The following GDF10 variants were observed in gnomAD, a reference collection of about 807,000 sequenced individuals.
GDF10 encodes the protein growth differentiation factor 10.
In GDF10, 23 loss-of-function variants were observed where a neutral mutation model predicts 32.1. That is an observed-to-expected ratio of 0.72 (90% CI 0.52 to 1.02). GDF10 has a LOEUF of 1.02. GDF10 is among the 50% of genes least tolerant of loss of function. GDF10 has a pLI of 0.00. For missense variants in GDF10, 764 were observed against 673.9 expected (o/e 1.13, Z -1.48); for synonymous variants, 328 against 303.1 (o/e 1.08, Z -0.85).
Position 47,310,105 on chromosome 10 carries a change from TC to T in GDF10, c.630del (p.Lys211ArgfsTer35). The T allele has an allele frequency of 4.3e-6, 7 of 1,609,340 alleles. No individual in the cohort carries two copies. The highest frequency in any genetic ancestry group is 5.9e-6 in the Non-Finnish European group (7 of 1,179,026). ...CAGGCCAAGGACATCTCCCCCATCG[TC>T]AAGGCGGCCCGCCGGGATGGCGAGC... is the stretch of plus-strand genomic sequence containing the variant. Reference protein sequence around the residue: ...LWQAKDISPIVKAARRDGELL... With the variant: ...LWQAKDISPIXKAARRDGELL... On this transcript the variant is annotated frameshift_variant, in exon 2 of 3. Coordinates refer to ENST00000580279, the MANE Select transcript of GDF10 (RefSeq NM_004962.5). LOFTEE classifies it high-confidence loss of function.
At chr10:47,309,515 G>A (rs73299093) in intron 1 of GDF10, among the ~76,000 whole-genome samples, 4,472 of 152,278 alleles carry the variant, frequency 0.029, 214 homozygotes, top group African/African-American at 0.1. Context: ...ATGCCTCCCT[G>A]TCTGCCCCTA....
rs1299797813 is a variant in GDF10 at position 47,310,419 on chromosome 10, G to T, written c.943G>T (p.Ala315Ser). Residue 315 changes from alanine to serine, a missense_variant, in exon 2 of 3, where the codon GCA (alanine) becomes TCA (serine). Physicochemically the swap from Ala to Ser is moderately conservative, Grantham distance 99. Transcript: ENST00000580279. ...GGATGAGAGGCCGCCGCGCGCCCAC[G>T]CACAGCACTTCCACAAGCACCAGCT... is the stretch of plus-strand genomic sequence containing the variant. Reference protein sequence around the residue: ...GLDERPPRAHAQHFHKHQLWP... With the variant: ...GLDERPPRAHSQHFHKHQLWP... The T allele has an allele frequency of 6.2e-7, 1 of 1,611,996 alleles. No individual in the cohort carries two copies. The highest frequency in any genetic ancestry group is 1.3e-5 in the African/African-American group (1 of 74,898).
chr10:47,302,047 C>T (rs1555206890), intron 1 of GDF10, among the ~76,000 whole-genome samples: 1 of 152,224 alleles, frequency 6.6e-6, no homozygotes, highest in Non-Finnish European at 1.5e-5. Context: ...AGCAGACTCA[C>T]CAGGTCAGTG....
At position 47,300,689 on chromosome 10, in the gene GDF10, G is replaced by T. The variant is rs1353351272; in HGVS notation, c.38G>T (p.Gly13Val). Residue 13 changes from glycine to valine, a missense_variant, in exon 1 of 3, where the codon GGG (glycine) becomes GTG (valine). Coordinates refer to ENST00000580279, the MANE Select transcript of GDF10 (RefSeq NM_004962.5). ...CCCGCTCGGACCAGCCCGGGACCCG[G>T]GCCCCAGCTGCTGCTGCTGCTGCTG... is the stretch of plus-strand genomic sequence containing the variant. ...HVPARTSPGP[G>V]PQLLLLLLPL... The T allele has an allele frequency of 8.1e-6, 13 of 1,602,728 alleles. No homozygotes were observed. The African/African-American group carries it at 1.1e-4, about 13-fold the overall frequency.
intron 1 of GDF10, among the ~76,000 whole-genome samples, chr10:47,304,385 A>G (rs1244993425): frequency 7.6e-6 from 1 of 132,266 alleles, no homozygotes; most frequent in East Asian, 4.0e-4. Flanking sequence ...AGAGAGAGAA[A>G]GGAGAGAGGG....
At chr10:47,311,241 C>T (rs2061045087) in intron 2 of GDF10, among the ~76,000 whole-genome samples, 2 of 152,208 alleles carry the variant, frequency 1.3e-5, no homozygotes, top group Admixed American at 6.5e-5. Context: ...GGGAATAGGC[C>T]TTCACTGTGC....
chr10:47,312,623 C>G lies in GDF10; in HGVS notation c.1268C>G (p.Ala423Gly). ...CAGATCGTTCGTCCATCCAACCATG[C>G]CACCATCCAGAGCATTGTCAGGGCT... ...MPKIVRPSNH[A>G]TIQSIVRAVG... is the part of the protein sequence containing the mutation. Residue 423 changes from alanine to glycine, a missense_variant, in exon 3 of 3, where the codon GCC becomes GGC. Physicochemically the swap from Ala to Gly is moderately conservative, Grantham distance 60 (BLOSUM62 0). Coordinates refer to ENST00000580279, the MANE Select transcript of GDF10 (RefSeq NM_004962.5). 5 of 1,591,722 alleles carry G rather than the reference C, an allele frequency of 3.1e-6. No homozygotes were observed. Among genetic ancestry groups the G allele is most frequent in the Non-Finnish European group, 4.3e-6 (5 of 1,169,076 alleles).
At chr10:47,301,777 T>G (rs1588841765) in intron 1 of GDF10, among the ~76,000 whole-genome samples, 1 of 152,200 alleles carries the variant, frequency 6.6e-6, no homozygotes, top group African/African-American at 2.4e-5. Context: ...TTACTCCTGG[T>G]TGCAGAATAA....
At position 47,300,695 on chromosome 10, in the gene GDF10, A is replaced by AGCT. The variant is rs34420310; in HGVS notation, c.62_64dup (p.Leu21dup). 78 of 1,600,478 alleles carry AGCT rather than the reference A, an allele frequency of 4.9e-5. No individual in the cohort carries two copies. Among genetic ancestry groups the AGCT allele is most frequent in the African/African-American group, 1.1e-4 (8 of 73,914 alleles). Reference sequence around the variant, plus strand: ...CGGACCAGCCCGGGACCCGGGCCCCAGCTGCTGCTGCTGCTGCTGCCGTTG... The same window carrying AGCT: ...CGGACCAGCCCGGGACCCGGGCCCCAGCTGCTGCTGCTGCTGCTGCTGCCGTTG... On this transcript the variant is annotated inframe_insertion, in exon 1 of 3. Transcript: ENST00000580279.
chr10:47,308,888 G>A (rs2061032562), intron 1 of GDF10, among the ~76,000 whole-genome samples: 1 of 152,196 alleles, frequency 6.6e-6, no homozygotes, highest in South Asian at 2.1e-4. Context: ...ATTCAAACCT[G>A]ACACAATACT....
At chr10:47,309,166 C>T in intron 1 of GDF10, among the ~76,000 whole-genome samples, 1 of 152,308 alleles carries the variant, frequency 6.6e-6, no homozygotes, top group Non-Finnish European at 1.5e-5. Context: ...CTTAAAAGTC[C>T]TCAGGCAGAA....
rs1339545709 is a variant in GDF10 at position 47,310,487 on chromosome 10, C to T, written c.1011C>T (p.Arg337=). The T allele has an allele frequency of 6.2e-7, 1 of 1,613,664 alleles. No homozygotes were observed. Among genetic ancestry groups the T allele is most frequent in the African/African-American group, 1.3e-5 (1 of 74,946 alleles). ...PFRALKPRPG[R]KDRRKKGQEV... ...GGGCGCTGAAACCCCGGCCAGGGCG[C>T]AAAGACCGCAGGAAGAAGGGCCAGG... is the stretch of plus-strand genomic sequence containing the variant. The change falls in exon 2 of 3, where the codon CGC becomes CGT. Residue 337 remains arginine, a synonymous_variant. Transcript: ENST00000580279.
intron 1 of GDF10, among the ~76,000 whole-genome samples, chr10:47,303,863 C>T (rs2061013178): frequency 6.6e-6 from 1 of 152,182 alleles, no homozygotes; most frequent in Non-Finnish European, 1.5e-5. Flanking sequence ...GATTTCAGTT[C>T]CCCAAGTATT....
chr10:47,302,262 C>T (rs1348943222), intron 1 of GDF10, among the ~76,000 whole-genome samples: 1 of 152,128 alleles, frequency 6.6e-6, no homozygotes, highest in Non-Finnish European at 1.5e-5. Context: ...CAATATCTCC[C>T]CTGTGCAGTT....
At chr10:47,304,810 T>A (rs1420875880) in intron 1 of GDF10, among the ~76,000 whole-genome samples, 1 of 152,236 alleles carries the variant, frequency 6.6e-6, no homozygotes, top group African/African-American at 2.4e-5. Context: ...CTTGAACTTT[T>A]CCCCATGCCT....
At chr10:47,307,277 T>A (rs2061026390) in intron 1 of GDF10, among the ~76,000 whole-genome samples, 2 of 148,400 alleles carry the variant, frequency 1.3e-5, no homozygotes, top group South Asian at 2.2e-4. Context: ...GAAAAGAGGG[T>A]GGATAGAAAA....
chr10:47,308,592 G>T (rs1284085943), intron 1 of GDF10, among the ~76,000 whole-genome samples: 3 of 151,954 alleles, frequency 2.0e-5, no homozygotes, highest in Admixed American at 2.0e-4. Flanking sequence ...AGGTACAGGG[G>T]TCAGAGAGGT....
chr10:47,307,841 G>C (rs2853837), intron 1 of GDF10, among the ~76,000 whole-genome samples: 103,808 of 152,116 alleles, frequency 0.68, 37,842 homozygotes, highest in Non-Finnish European at 0.8. Context: ...AGTTGATGGA[G>C]GGGAGCTTGC....
Position 47,309,874 on chromosome 10 carries a change from T to C in GDF10, c.398T>C (p.Phe133Ser). Residue 133 changes from phenylalanine to serine, a missense_variant, in exon 2 of 3, where the codon TTC becomes TCC. Physicochemically the swap from Phe to Ser is radical, Grantham distance 155. Transcript: ENST00000580279. ...QDSEMILTAT[F>S]HFYSEPPRWP... Reference sequence around the variant, plus strand: ...TCGGAAATGATCCTTACGGCCACTTTCCACTTCTACTCAGAGCCGCCTCGG... The same window carrying C: ...TCGGAAATGATCCTTACGGCCACTTCCCACTTCTACTCAGAGCCGCCTCGG... 2 of 1,613,134 alleles carry C rather than the reference T, an allele frequency of 1.2e-6. No homozygotes were observed. The highest frequency in any genetic ancestry group is 1.7e-6 in the Non-Finnish European group (2 of 1,179,848).
Sources: gnomAD v4.1 joint callset for allele counts (sites outside exome capture counted in the v4.1 genomes callset) on GRCh38, gnomAD v4.1.1 for gene constraint, MANE v1.5 for transcripts, NCBI Gene and HGNC (gene_info 2026-07-23, HGNC 2026-07-21) for gene names.